S1PR2: variants seen among roughly 807,000 people sequenced by gnomAD.
The protein encoded by S1PR2 is sphingosine 1-phosphate receptor 2.
Under a neutral mutation model 16.1 loss-of-function variants are expected in S1PR2, and 9 were observed. The observed-to-expected ratio is 0.56, with a 90% CI of 0.34 to 0.98. The LOEUF (loss-of-function observed/expected upper bound fraction) is 0.98, where lower values mean the gene tolerates loss of function less well. Ranked by LOEUF, S1PR2 falls within the 50% of genes least tolerant of loss-of-function variation. S1PR2 has a pLI of 0.02. For missense variants in S1PR2, 361 were observed against 488.4 expected (o/e 0.74, Z 2.46); for synonymous variants, 224 against 233.9 (o/e 0.96, Z 0.38).
chr19:10,225,390 A>ATTTTTTTTTTTTTTTTTTTTTTTTTTTTT (rs35464657), intron 1 of S1PR2, among the ~76,000 whole-genome samples: 1 of 80,592 alleles, frequency 1.2e-5, no homozygotes. Context: ...CGCCTGGCTA[A>ATTTTTTTTTTTTTTTTTTTTTTTTTTTTT]TTTTTTTTTT....
intron 1 of S1PR2, among the ~76,000 whole-genome samples, chr19:10,227,960 C>G (rs1449874601): frequency 6.6e-6 from 1 of 152,062 alleles, no homozygotes; most frequent in Non-Finnish European, 1.5e-5. Context: ...GCAGCCGCCC[C>G]CTCTGCTGCT....
Position 10,224,003 on chromosome 19 carries a change from C to T in S1PR2, c.903G>A (p.Arg301=), listed in dbSNP as rs149865919. 1,487 of 1,611,986 alleles carry T rather than the reference C, an allele frequency of 9.2e-4. 17 individuals are homozygous for T. The African/African-American group carries it at 0.017, about 18-fold the overall frequency. Reference sequence around the variant, plus strand: ...CCCCCGGCCTCCAGCACTGCAGCGGCCGAAGCACCTCCCGCCGCAGGTCCC... The same window carrying T: ...CCCCCGGCCTCCAGCACTGCAGCGGTCGAAGCACCTCCCGCCGCAGGTCCC... ...RSRDLRREVL[R]PLQCWRPGVG... is the part of the protein sequence containing the mutation. Residue 301 remains arginine, a synonymous_variant, in exon 2 of 2, where the codon CGG becomes CGA. Transcript: ENST00000646641.
Position 10,224,788 on chromosome 19 carries a change from T to C in S1PR2, c.118A>G (p.Ile40Val), listed in dbSNP as rs754899840. The C allele has an allele frequency of 2.5e-6, 4 of 1,614,222 alleles. No homozygotes were observed. The highest frequency in any genetic ancestry group is 1.7e-5 in the Admixed American group (1 of 60,026). ...ACAATGGCGCAACAGAGGATGACGA[T>C]GAAGGCCGAGGCCACCTGGCGGGAG... ...TTSRQVASAF[I>V]VILCCAIVVE... Residue 40 changes from isoleucine (I) to valine (V), a missense_variant, in exon 2 of 2, where the codon ATC (isoleucine) becomes GTC (valine). Transcript: ENST00000646641.
Position 10,224,684 on chromosome 19 carries a change from G to T in S1PR2, c.222C>A (p.Asn74Lys), listed in dbSNP as rs779941001. ...FHSAMYLFLG[N>K]LAASDLLAGV... ...CTGCCAGTAGATCGGAGGCGGCCAGGTTGCCCAGAAACAGGTACATTGCCG... is the reference window on the plus strand; with the variant it reads ...CTGCCAGTAGATCGGAGGCGGCCAGTTTGCCCAGAAACAGGTACATTGCCG... Residue 74 changes from asparagine (N) to lysine (K), a missense_variant, in exon 2 of 2, where the codon AAC becomes AAA. Transcript: ENST00000646641. 2 of 1,614,166 alleles carry T rather than the reference G, an allele frequency of 1.2e-6. No individual in the cohort carries two copies. The highest frequency in any genetic ancestry group is 1.7e-6 in the Non-Finnish European group (2 of 1,180,046).
Position 10,221,802 on chromosome 19 carries a change from G to GCA in S1PR2, c.*2040_*2041dup, listed in dbSNP as rs1227600021. 6.6e-6 allele frequency: 1 copy of GCA among 152,308 alleles called. No homozygotes were observed. The highest frequency in any genetic ancestry group is 1.9e-4 in the East Asian group (1 of 5,324). The allele number at this position is 152,308 out of a possible 1,614,324, so 9.4% of individuals were successfully genotyped here. ...CACGCCTATGTGCACACGCGCGCGC[G>GCA]CACACACATACACACACACACACAT... On this transcript the variant is annotated 3_prime_UTR_variant, in exon 2 of 2. Transcript: ENST00000646641.
chr19:10,224,214 A>C lies in S1PR2; in HGVS notation c.692T>G (p.Leu231Arg), dbSNP rs766020432. The change falls in exon 2 of 2, where the codon CTG becomes CGG. Residue 231 changes from leucine to arginine, a missense_variant. Physicochemically the swap from Leu to Arg is moderately radical, Grantham distance 102 (BLOSUM62 -2). Transcript: ENST00000646641. The stretch of plus-strand genomic sequence containing the variant: ...TAGCACGATGGTGACCGTCTTGAGC[A>C]GGGCTAGCGTCTGCGGGGCGGCCAT... ...ADMAAPQTLA[L>R]LKTVTIVLGV... 6.2e-7 allele frequency: 1 copy of C among 1,612,986 alleles called. No homozygotes were observed. The highest frequency in any genetic ancestry group is 8.5e-7 in the Non-Finnish European group (1 of 1,180,038).
chr19:10,225,453 G>A (rs1217706336), intron 1 of S1PR2, among the ~76,000 whole-genome samples: 1 of 138,192 alleles, frequency 7.2e-6, no homozygotes, highest in African/African-American at 2.7e-5. Flanking sequence ...CTGGAGTGCT[G>A]CGGCACGGTC....
chr19:10,230,808 C>G (rs2145447471), intron 1 of S1PR2, among the ~76,000 whole-genome samples: 2 of 152,358 alleles, frequency 1.3e-5, no homozygotes, highest in East Asian at 1.9e-4. Context: ...CTTGGAGGCT[C>G]CACGGCGCGC....
intron 1 of S1PR2, among the ~76,000 whole-genome samples, chr19:10,230,128 T>C (rs1487776439): frequency 6.6e-6 from 1 of 152,298 alleles, no homozygotes; most frequent in East Asian, 1.9e-4. Flanking sequence ...TCGCCCACCA[T>C]CAACCAGGCA....
chr19:10,224,466 C>T lies in S1PR2; in HGVS notation c.440G>A (p.Arg147His), dbSNP rs774105619. ...CGAGGCCCCGATGAGCAGAAGCATGCGGCAGCTCTTGTCGCTGCCATACAG... is the reference window on the plus strand; with the variant it reads ...CGAGGCCCCGATGAGCAGAAGCATGTGGCAGCTCTTGTCGCTGCCATACAG... Reference protein sequence around the residue: ...VKLYGSDKSCRMLLLIGASWL... With the variant: ...VKLYGSDKSCHMLLLIGASWL... Residue 147 changes from arginine to histidine, a missense_variant, in exon 2 of 2, where the codon CGC becomes CAC. Coordinates refer to ENST00000646641, the MANE Select transcript of S1PR2 (RefSeq NM_004230.4). 10 of 1,613,850 alleles carry T rather than the reference C, an allele frequency of 6.2e-6. No individual in the cohort carries two copies. The highest frequency in any genetic ancestry group is 5.5e-5 in the South Asian group (5 of 91,084).
chr19:10,227,193 G>T (rs1169722319), intron 1 of S1PR2, among the ~76,000 whole-genome samples: 2 of 151,906 alleles, frequency 1.3e-5, no homozygotes, highest in Admixed American at 1.3e-4. Context: ...GGGAGGGAGG[G>T]GGGAGAGTAG....
In S1PR2 at chr19:10,224,813, G is replaced by A. The variant is rs772497544; in HGVS notation, c.93C>T (p.Thr31=). 2 of 1,614,250 alleles carry A rather than the reference G, an allele frequency of 1.2e-6. No homozygotes were observed. Among genetic ancestry groups the A allele is most frequent in the South Asian group, 2.2e-5 (2 of 91,090 alleles). The change falls in exon 2 of 2, where the codon ACC becomes ACT. Residue 31 remains threonine, a synonymous_variant. Transcript: ENST00000646641. ...TKETLETQET[T]SRQVASAFIV... ...TGAAGGCCGAGGCCACCTGGCGGGA[G>A]GTCGTCTCCTGCGTTTCCAGCGTCT...
Sources: gnomAD v4.1 joint callset for allele counts (sites outside exome capture counted in the v4.1 genomes callset) on GRCh38, gnomAD v4.1.1 for gene constraint, MANE v1.5 for transcripts, NCBI Gene and HGNC (gene_info 2026-07-23, HGNC 2026-07-21) for gene names.